The following LYST variants were observed in gnomAD, a reference collection of about 807,000 sequenced individuals.
LYST encodes the protein lysosomal trafficking regulator.
LYST carries 192 observed loss-of-function variants against 413.6 expected under a neutral mutation model. The observed-to-expected ratio is 0.46, with a 90% confidence interval of 0.41 to 0.52. The LOEUF is 0.52. LYST is among the 20% of genes least tolerant of loss of function. The pLI is 0.00. For synonymous variants in LYST, 1,525 were observed against 1,567.3 expected, an observed-to-expected ratio of 0.97 and a Z score of 0.64; for missense variants, 3,815 against 4,499.9, an observed-to-expected ratio of 0.85 and a Z score of 4.35.
At chr1:235,690,729 G>C (rs1026215966) in intron 47 of LYST, among the ~76,000 whole-genome samples, 1 of 152,124 alleles carries the variant, frequency 6.6e-6, no homozygotes, top group African/African-American at 2.4e-5. Context: ...CAGGGAATGG[G>C]ATACATTTTA....
chr1:235,740,123 C>G (rs571936710), intron 31 of LYST, among the ~76,000 whole-genome samples: 1 of 152,256 alleles, frequency 6.6e-6, no homozygotes, highest in South Asian at 2.1e-4. Flanking sequence ...ACAGTGCCCT[C>G]AGTGTACTTG....
In LYST at chr1:235,677,284, A is replaced by G. The variant is rs977816880; in HGVS notation, c.10941-96T>C. The G allele has an allele frequency of 1.5e-5, 16 of 1,102,202 alleles. No individual in the cohort carries two copies. In the African/African-American group the frequency reaches 2.5e-4, roughly 17 times the overall value. 68.3% of individuals were successfully genotyped at this position (1,102,202 alleles called of 1,614,324 possible). Reference sequence around the variant, plus strand: ...TCTTCTCAGTCTATGTACCTATTGTACATAAGGCATACATGTTTTCCTATC... The same window carrying G: ...TCTTCTCAGTCTATGTACCTATTGTGCATAAGGCATACATGTTTTCCTATC... On this transcript the variant is annotated intron_variant, in intron 49 of 52. Coordinates refer to ENST00000389793, the MANE Select transcript of LYST (RefSeq NM_000081.4).
intron 38 of LYST, among the ~76,000 whole-genome samples, chr1:235,727,672 G>C (rs1386876566): frequency 6.6e-6 from 1 of 151,962 alleles, no homozygotes; most frequent in Non-Finnish European, 1.5e-5. Flanking sequence ...TCATTATTAA[G>C]CTATGTGAAT....
At chr1:235,778,523 T>C (rs1435487348) in intron 16 of LYST, among the ~76,000 whole-genome samples, 4 of 151,898 alleles carry the variant, frequency 2.6e-5, no homozygotes, top group African/African-American at 7.3e-5. Flanking sequence ...TACAGGTGCA[T>C]GCCACCACGC....
At chr1:235,713,274 A>G in intron 42 of LYST, 1 of 789,028 alleles carries the variant, frequency 1.3e-6, no homozygotes, top group Non-Finnish European at 1.5e-6. Context: ...AAAGTTATCA[A>G]TCAAAATGGA....
At position 235,790,661 on chromosome 1, in the gene LYST, C is replaced by T. The variant is rs559814828; in HGVS notation, c.4543+1038G>A. Among the ~76,000 whole-genome samples the T allele has an allele frequency of 2.9e-3, 436 of 152,304 alleles. 2 individuals carry two copies. Among genetic ancestry groups the T allele is most frequent in the African/African-American group, 0.01 (416 of 41,572 alleles). On this transcript the variant is annotated intron_variant, in intron 12 of 52. Transcript: ENST00000389793. ...ACCCTAAACATCTGTCTCATCCAGT[C>T]ATTTCATTCATTCCACAGGCCCTAA...
Position 235,664,669 on chromosome 1 carries a change from A to C in LYST, c.11039-48T>G. On this transcript the variant is annotated intron_variant, in intron 50 of 52. Transcript: ENST00000389793. This position sits in a 1 kb window ranked among gnomAD's most constrained non-coding sequence, Gnocchi z 4.5. ...CGGGTTACCAGAATGTGGCTGTCTC[A>C]GAGCCCACATTTGGCCCCAGAAGGG... 3.1e-6 allele frequency: 5 copies of C among 1,605,950 alleles called. No homozygotes were observed. Among genetic ancestry groups the C allele is most frequent in the Non-Finnish European group, 4.3e-6 (5 of 1,173,176 alleles).
intron 20 of LYST, among the ~76,000 whole-genome samples, chr1:235,767,065 T>C (rs1297139115): frequency 6.6e-6 from 1 of 152,108 alleles, no homozygotes; most frequent in Non-Finnish European, 1.5e-5. Context: ...CTCTTTCTAC[T>C]GCACCATTTA....
intron 21 of LYST, among the ~76,000 whole-genome samples, chr1:235,764,155 A>T (rs1667866754): frequency 6.6e-6 from 1 of 152,112 alleles, no homozygotes; most frequent in Admixed American, 6.5e-5. Context: ...ATCCTTTAAG[A>T]TTCAGGGCAG....
At chr1:235,710,777 A>G (rs566692686) in intron 43 of LYST, among the ~76,000 whole-genome samples, 161 of 152,326 alleles carry the variant, frequency 1.1e-3, no homozygotes, top group South Asian at 7.7e-3. Flanking sequence ...AACAGGCTGG[A>G]AAAGGCCATG....
In LYST at chr1:235,691,196, G is replaced by A. The variant is rs1422498155; in HGVS notation, c.10701+2154C>T. 2.6e-5 allele frequency among the ~76,000 whole-genome samples: 4 copies of A among 152,172 alleles called. No homozygotes were observed. The South Asian group carries it at 8.3e-4, about 32-fold the overall frequency. On this transcript the variant is annotated intron_variant, in intron 47 of 52. Coordinates refer to ENST00000389793, the MANE Select transcript of LYST (RefSeq NM_000081.4). ...GCCTCCCAAAGCGCTGGGATAACAG[G>A]CTTGAGCCACCGCGCCTGGCTACAG...
At chr1:235,833,831 CTT>C (rs779209391) in intron 1 of LYST, among the ~76,000 whole-genome samples, 164 bp from the exon 2 acceptor site, 1 of 152,150 alleles carries the variant, frequency 6.6e-6, no homozygotes. Context: ...AAGAATTCCT[CTT>C]GAGAGGGAAT....
In LYST at chr1:235,686,340, T is replaced by C. The variant is rs977507224; in HGVS notation, c.10800+609A>G. On this transcript the variant is annotated intron_variant, in intron 48 of 52. Coordinates refer to ENST00000389793, the MANE Select transcript of LYST (RefSeq NM_000081.4). This position sits in a 1 kb window ranked among gnomAD's most constrained non-coding sequence, Gnocchi z 4.0. ...TGAGATTGTGCCATTGCATTCCAGC[T>C]TAGGCAAGAGAGGGAGGTTCTGTCT... Among the ~76,000 whole-genome samples, 1 of 152,052 alleles carries C rather than the reference T, an allele frequency of 6.6e-6. No individual in the cohort carries two copies. Among genetic ancestry groups the C allele is most frequent in the Non-Finnish European group, 1.5e-5 (1 of 68,010 alleles).
At chr1:235,715,569 A>G (rs929653207) in intron 41 of LYST, among the ~76,000 whole-genome samples, 1 of 152,024 alleles carries the variant, frequency 6.6e-6, no homozygotes, top group African/African-American at 2.4e-5. Flanking sequence ...AACACTCAGA[A>G]GCATTTCTCA....
chr1:235,787,397 A>G, intron 13 of LYST, 24 bp from the exon 14 acceptor site: 1 of 1,606,238 alleles, frequency 6.2e-7, no homozygotes, highest in Non-Finnish European at 8.5e-7. Context: ...GAAAAGGCAT[A>G]GGCTGAAAAC....
chr1:235,824,786 C>CACGAGGTCAGG (rs1675145501), intron 3 of LYST, among the ~76,000 whole-genome samples: 1 of 152,124 alleles, frequency 6.6e-6, no homozygotes, highest in Non-Finnish European at 1.5e-5. Flanking sequence ...CTTTGGGTGG[C>CACGAGGTCAGG]TGAGGCGGGT....
At chr1:235,672,374 AAAGAG>A (rs1448990882) in intron 50 of LYST, among the ~76,000 whole-genome samples, 1 of 152,156 alleles carries the variant, frequency 6.6e-6, no homozygotes, top group Non-Finnish European at 1.5e-5. Flanking sequence ...AAGTAGACAA[AAAGAG>A]GAGGAACCAG....
At chr1:235,676,966 G>A in intron 50 of LYST, 125 bp downstream of exon 50, 1 of 745,964 alleles carries the variant, frequency 1.3e-6, no homozygotes. Flanking sequence ...ACACATACAT[G>A]CTGTTACCAA....
chr1:235,778,531 C>T (rs1213205703), intron 16 of LYST, among the ~76,000 whole-genome samples: 2 of 151,786 alleles, frequency 1.3e-5, no homozygotes, highest in Non-Finnish European at 2.9e-5. Context: ...CATGCCACCA[C>T]GCCCAGCTAA....
Sources: gnomAD v4.1 joint callset for allele counts (sites outside exome capture counted in the v4.1 genomes callset) on GRCh38, gnomAD v4.1.1 for gene constraint, Gnocchi (gnomAD v3.1) non-coding constraint, MANE v1.5 for transcripts, NCBI Gene and HGNC (gene_info 2026-07-23, HGNC 2026-07-21) for gene names.